MTPN: variants seen among roughly 807,000 people sequenced by gnomAD.
The protein encoded by MTPN is myotrophin, also known as granule cell differentiation protein.
Under a neutral mutation model 13.5 loss-of-function variants are expected in MTPN, and 2 were observed. That is an observed-to-expected ratio of 0.15 (90% confidence interval 0.06 to 0.47). The LOEUF (loss-of-function observed/expected upper bound fraction) is 0.47. Among genes scored for constraint, MTPN ranks in the 20% least tolerant of loss-of-function variants. MTPN has a pLI of 0.97. For synonymous variants in MTPN, 46 were observed against 51.7 expected, an observed-to-expected ratio of 0.89 and a Z score of 0.48; for missense variants, 79 against 137.9, an observed-to-expected ratio of 0.57 and a Z score of 2.14.
chr7:135,975,032 C>T (rs1235716220), intron 1 of MTPN, among the ~76,000 whole-genome samples: 2 of 152,142 alleles, frequency 1.3e-5, no homozygotes, highest in African/African-American at 4.8e-5. Context: ...TTTGGATAGT[C>T]CAACTTTCAA....
chr7:135,953,607 T>A (rs1247058550), intron 1 of MTPN, among the ~76,000 whole-genome samples: 1 of 152,186 alleles, frequency 6.6e-6, no homozygotes, highest in Non-Finnish European at 1.5e-5. Flanking sequence ...GTAATAGGTA[T>A]ACTCAAATAT....
intron 1 of MTPN, among the ~76,000 whole-genome samples, chr7:135,975,084 T>C (rs1254925378): frequency 6.6e-6 from 1 of 152,208 alleles, no homozygotes; most frequent in Non-Finnish European, 1.5e-5. Context: ...CTCCCTCTTA[T>C]GCAAATTTTT....
intron 3 of MTPN, among the ~76,000 whole-genome samples, chr7:135,945,962 G>GA (rs1799282282): frequency 6.6e-6 from 1 of 152,046 alleles, no homozygotes; most frequent in Non-Finnish European, 1.5e-5. Flanking sequence ...GGCACAGGAA[G>GA]AAATAATAAT....
chr7:135,947,570 G>C (rs528205089), intron 3 of MTPN, among the ~76,000 whole-genome samples: 1 of 151,950 alleles, frequency 6.6e-6, no homozygotes. Flanking sequence ...TTACCAGCTT[G>C]CCAATTAAAA....
chr7:135,952,719 T>C lies in MTPN; in HGVS notation c.73-1089A>G, dbSNP rs191624301. ...GCTCACACCTGTAATCCCAGCACTT[T>C]GGGAGGCCAAGACTGGTACATCACT... On this transcript the variant is annotated intron_variant, in intron 1 of 3. Transcript: ENST00000393085. Among the ~76,000 whole-genome samples the C allele has an allele frequency of 4.9e-4, 74 of 152,278 alleles. No individual in the cohort carries two copies. In the East Asian group the frequency reaches 0.011, roughly 23 times the overall value.
At chr7:135,939,715 C>T (rs1386696120) in intron 3 of MTPN, among the ~76,000 whole-genome samples, 1 of 151,890 alleles carries the variant, frequency 6.6e-6, no homozygotes, top group Non-Finnish European at 1.5e-5. Flanking sequence ...GTTTTTGTTA[C>T]TCATGGCTAA....
rs762446087 is a variant in MTPN at position 135,950,695 on chromosome 7, A to C, written c.187-13T>G. The C allele has an allele frequency of 8.3e-6, 13 of 1,570,244 alleles. No homozygotes were observed. The highest frequency in any genetic ancestry group is 1.1e-5 in the Non-Finnish European group (13 of 1,144,984). The stretch of plus-strand genomic sequence containing the variant: ...GTTTATCTGGAGCCTATGAAATAAT[A>C]AACAGAGATAACTTTATCTGTTTTT... On this transcript the variant is annotated splice_polypyrimidine_tract_variant and intron_variant, in intron 2 of 3. Coordinates refer to ENST00000393085, the MANE Select transcript of MTPN (RefSeq NM_145808.4).
rs140791914 is a variant in MTPN at position 135,950,127 on chromosome 7, A to G, written c.270+472T>C. Among the ~76,000 whole-genome samples, 473 of 152,290 alleles carry G rather than the reference A, an allele frequency of 3.1e-3. 3 individuals are homozygous for G. Among genetic ancestry groups the G allele is most frequent in the African/African-American group, 0.011 (464 of 41,564 alleles). On this transcript the variant is annotated intron_variant, in intron 3 of 3. Coordinates refer to ENST00000393085, the MANE Select transcript of MTPN (RefSeq NM_145808.4). ...AAAACTCCAAATTTACCACTATCTC[A>G]AGCATATCAAGAAACCAGATAACTT... is the stretch of plus-strand genomic sequence containing the variant.
Position 135,927,105 on chromosome 7 carries a change from TG to T in MTPN, c.*2820del, listed in dbSNP as rs1199375726. The stretch of plus-strand genomic sequence containing the variant: ...ACACAATTGAGTATACAATATTGCA[TG>T]GAAGAAAACAGCAGCTCAACTGAAA... On this transcript the variant is annotated 3_prime_UTR_variant, in exon 4 of 4. Coordinates refer to ENST00000393085, the MANE Select transcript of MTPN (RefSeq NM_145808.4). 1 of 479,796 alleles carries T rather than the reference TG, an allele frequency of 2.1e-6. No homozygotes were observed. The highest frequency in any genetic ancestry group is 2.0e-5 in the African/African-American group (1 of 50,368). 29.7% of individuals were successfully genotyped at this position (479,796 alleles called of 1,614,324 possible).
chr7:135,965,877 A>G (rs1241862171), intron 1 of MTPN, among the ~76,000 whole-genome samples: 1 of 151,990 alleles, frequency 6.6e-6, no homozygotes, highest in Non-Finnish European at 1.5e-5. Flanking sequence ...AAAACAACAA[A>G]GGAAGGGATA....
At chr7:135,949,486 A>G (rs1002727124) in intron 3 of MTPN, among the ~76,000 whole-genome samples, 10 of 152,134 alleles carry the variant, frequency 6.6e-5, no homozygotes, top group African/African-American at 2.2e-4. Context: ...AAGGTATAAA[A>G]ATTGCTCTTG....
intron 1 of MTPN, among the ~76,000 whole-genome samples, chr7:135,971,943 G>C (rs1341017483): frequency 6.6e-6 from 1 of 152,152 alleles, no homozygotes; most frequent in East Asian, 1.9e-4. Flanking sequence ...CAGGCTATCA[G>C]TCACTCTTAT....
chr7:135,954,357 G>A (rs1415626198), intron 1 of MTPN, among the ~76,000 whole-genome samples: 1 of 152,180 alleles, frequency 6.6e-6, no homozygotes, highest in Non-Finnish European at 1.5e-5. Context: ...AATAATTAAA[G>A]ATATTATTTA....
At chr7:135,938,853 G>A (rs1008124217) in intron 3 of MTPN, among the ~76,000 whole-genome samples, 14 of 152,282 alleles carry the variant, frequency 9.2e-5, no homozygotes, top group African/African-American at 2.6e-4. Context: ...AGACCCCCGA[G>A]GGTTGGATGC....
intron 3 of MTPN, 146 bp from the exon 4 acceptor site, chr7:135,930,158 A>G (rs1293599249): frequency 4.9e-6 from 3 of 610,808 alleles, no homozygotes; most frequent in Non-Finnish European, 8.5e-6. Flanking sequence ...CAGAAAAACA[A>G]ACAAGTTGGC....
chr7:135,948,657 A>G (rs1022029146), intron 3 of MTPN, among the ~76,000 whole-genome samples: 2 of 152,220 alleles, frequency 1.3e-5, no homozygotes, highest in African/African-American at 2.4e-5. Flanking sequence ...CAATGACCTG[A>G]AGCCTCATGT....
At chr7:135,966,364 T>C (rs921074439) in intron 1 of MTPN, among the ~76,000 whole-genome samples, 10 of 152,118 alleles carry the variant, frequency 6.6e-5, no homozygotes, top group African/African-American at 2.4e-4. Flanking sequence ...ACCAGTTATT[T>C]ACCCTCATGA....
At chr7:135,940,922 T>C (rs760837330) in intron 3 of MTPN, among the ~76,000 whole-genome samples, 14 of 152,252 alleles carry the variant, frequency 9.2e-5, no homozygotes, top group Non-Finnish European at 1.6e-4. Flanking sequence ...AAGTGGCAGA[T>C]ACAGCTTTGG....
chr7:135,943,754 C>CT (rs1489497484), intron 3 of MTPN, among the ~76,000 whole-genome samples: 54 of 152,060 alleles, frequency 3.6e-4, no homozygotes, highest in African/African-American at 1.3e-3. Flanking sequence ...AGTTGGCTTC[C>CT]TGAGGAGATA....
Sources: gnomAD v4.1 joint callset for allele counts (sites outside exome capture counted in the v4.1 genomes callset) on GRCh38, gnomAD v4.1.1 for gene constraint, MANE v1.5 for transcripts, NCBI Gene and HGNC (gene_info 2026-07-23, HGNC 2026-07-21) for gene names.